Variants in RSPO2 observed in about 807,000 individuals in gnomAD.
RSPO2 encodes the protein R-spondin 2, also known as R-spondin-2.
RSPO2 carries 14 observed loss-of-function variants against 30.9 expected under a neutral mutation model. The ratio of observed to expected loss-of-function variants is 0.45; its 90% CI spans 0.30 to 0.71. The LOEUF (loss-of-function observed/expected upper bound fraction) is 0.71, where lower values mean the gene tolerates loss of function less well. RSPO2 is among the 30% of genes least tolerant of loss of function. The probability of loss-of-function intolerance (pLI) is 0.08; values close to 1 mark genes in which losing one functional copy is unlikely to be tolerated. For synonymous variants in RSPO2, 107 were observed against 96.4 expected (o/e 1.11, Z -0.64); for missense variants, 264 against 301.9 (o/e 0.87, Z 0.93).
At chr8:107,965,455 A>G (rs559077870) in intron 3 of RSPO2, among the ~76,000 whole-genome samples, 3 of 152,258 alleles carry the variant, frequency 2.0e-5, no homozygotes, top group African/African-American at 7.2e-5. Flanking sequence ...CATTCTCAAC[A>G]TTCTCCAGGA....
intron 2 of RSPO2, among the ~76,000 whole-genome samples, chr8:108,014,500 A>G (rs1473392763): frequency 6.6e-6 from 1 of 152,206 alleles, no homozygotes; most frequent in Non-Finnish European, 1.5e-5. Flanking sequence ...CACACCATGG[A>G]ATACTATGCA....
chr8:108,066,992 T>A (rs1812694210), intron 2 of RSPO2, among the ~76,000 whole-genome samples: 2 of 152,124 alleles, frequency 1.3e-5, no homozygotes, highest in Admixed American at 1.3e-4. Context: ...TAATCCAACC[T>A]TCAAGGAGAA....
At chr8:107,996,258 C>T (rs972914320) in intron 2 of RSPO2, among the ~76,000 whole-genome samples, 1 of 152,064 alleles carries the variant, frequency 6.6e-6, no homozygotes, top group African/African-American at 2.4e-5. Flanking sequence ...AAGATTGTAA[C>T]CCACCTTAAG....
chr8:108,012,727 A>G (rs1391138103), intron 2 of RSPO2, among the ~76,000 whole-genome samples: 5 of 152,228 alleles, frequency 3.3e-5, no homozygotes, highest in Non-Finnish European at 1.5e-5. Context: ...TACTAGTTCA[A>G]GAAGTATCAC....
At chr8:107,914,393 T>C (rs1482551249) in intron 5 of RSPO2, among the ~76,000 whole-genome samples, 10 of 151,822 alleles carry the variant, frequency 6.6e-5, no homozygotes, top group Non-Finnish European at 1.2e-4. Flanking sequence ...TAATCATAGG[T>C]ACTTTGAGAA....
intron 5 of RSPO2, among the ~76,000 whole-genome samples, chr8:107,937,658 C>T (rs1812763479): frequency 6.6e-6 from 1 of 151,028 alleles, no homozygotes; most frequent in South Asian, 2.1e-4. Flanking sequence ...AGAAGTGGAG[C>T]CCCAAGGTGG....
intron 5 of RSPO2, among the ~76,000 whole-genome samples, chr8:107,918,442 G>T (rs1812045687): frequency 6.6e-6 from 1 of 152,118 alleles, no homozygotes. Context: ...AAGAATCAAA[G>T]TTGACTCAGA....
At chr8:107,934,258 A>C (rs781479799) in intron 5 of RSPO2, among the ~76,000 whole-genome samples, 7 of 152,206 alleles carry the variant, frequency 4.6e-5, no homozygotes, top group Admixed American at 6.5e-5. Context: ...TCTACTATTC[A>C]ATCTATTGTA....
intron 5 of RSPO2, among the ~76,000 whole-genome samples, chr8:107,913,704 GAGAACAT>G (rs1262567775): frequency 6.6e-6 from 1 of 152,002 alleles, no homozygotes; most frequent in Non-Finnish European, 1.5e-5. Context: ...ATTAAAACAC[GAGAACAT>G]AGTTAATTAT....
chr8:107,992,668 C>T (rs529254562), intron 2 of RSPO2, among the ~76,000 whole-genome samples: 45 of 152,228 alleles, frequency 3.0e-4, no homozygotes, highest in African/African-American at 1.1e-3. Context: ...AACAAGTCTA[C>T]ATCTAAATGC....
chr8:107,903,901 T>TC (rs1811554699), intron 5 of RSPO2, among the ~76,000 whole-genome samples: 1 of 152,056 alleles, frequency 6.6e-6, no homozygotes, highest in Non-Finnish European at 1.5e-5. Flanking sequence ...TATTTTGTGG[T>TC]CCATACTACG....
chr8:108,049,356 T>A (rs1282038150), intron 2 of RSPO2, among the ~76,000 whole-genome samples: 1 of 151,912 alleles, frequency 6.6e-6, no homozygotes, highest in Non-Finnish European at 1.5e-5. Context: ...TGGCTGGGAC[T>A]TTTTTTTCTT....
chr8:107,958,156 T>C lies in RSPO2; in HGVS notation c.540A>G (p.Pro180=). Residue 180 remains proline, a synonymous_variant, in exon 5 of 6, where the codon CCA becomes CCG. Transcript: ENST00000276659. ...ETRTRQIVKK[P]VKDTILCPTI... is the part of the protein sequence containing the mutation. ...TTGGACACAGTATTGTGTCTTTCACTGGCTTTTTAACAATTTGCCGTGTTC... is the reference window on the plus strand; with the variant it reads ...TTGGACACAGTATTGTGTCTTTCACCGGCTTTTTAACAATTTGCCGTGTTC... 1 of 1,613,888 alleles carries C rather than the reference T, an allele frequency of 6.2e-7. No individual in the cohort carries two copies. The highest frequency in any genetic ancestry group is 8.5e-7 in the Non-Finnish European group (1 of 1,179,804).
intron 2 of RSPO2, among the ~76,000 whole-genome samples, chr8:108,032,645 T>C (rs1811459800): frequency 6.6e-6 from 1 of 152,046 alleles, no homozygotes; most frequent in Non-Finnish European, 1.5e-5. Flanking sequence ...TTTTCCTTTT[T>C]TAAGAGGTAG....
chr8:108,063,471 CA>C (rs1427772878), intron 2 of RSPO2, among the ~76,000 whole-genome samples: 4 of 151,780 alleles, frequency 2.6e-5, no homozygotes, highest in East Asian at 1.9e-4. Flanking sequence ...ATCCAACTTA[CA>C]AGGGACATGA....
chr8:107,978,259 T>C (rs1309521027), intron 3 of RSPO2, among the ~76,000 whole-genome samples: 3 of 151,914 alleles, frequency 2.0e-5, no homozygotes, highest in Admixed American at 6.6e-5. Flanking sequence ...GAAAACCGTC[T>C]CTAATAAAAA....
chr8:107,973,532 TCACACACACA>T lies in RSPO2; in HGVS notation c.284-12725_284-12716del, dbSNP rs4035018. On this transcript the variant is annotated intron_variant, in intron 3 of 5. Coordinates refer to ENST00000276659, the MANE Select transcript of RSPO2 (RefSeq NM_178565.5). ...CACACAGACACACACAGACACACAC[TCACACACACA>T]CACACACACACACACACACAGAACA... Among the ~76,000 whole-genome samples, 108 of 149,650 alleles carry T rather than the reference TCACACACACA, an allele frequency of 7.2e-4. 1 individual carries two copies. The highest frequency in any genetic ancestry group is 3.4e-3 in the Middle Eastern group (1 of 290).
intron 2 of RSPO2, among the ~76,000 whole-genome samples, chr8:108,011,134 G>GA (rs66722934): frequency 0.39 from 39,195 of 100,378 alleles, 7,756 homozygotes; most frequent in African/African-American, 0.58. Flanking sequence ...CTCCGTCCCA[G>GA]AAAAAAAAAA....
In RSPO2 at chr8:108,060,187, T is replaced by C. The variant is rs1034917354; in HGVS notation, c.94+22358A>G. Among the ~76,000 whole-genome samples the C allele has an allele frequency of 4.6e-5, 7 of 151,818 alleles. No individual in the cohort carries two copies. In the East Asian group the frequency reaches 1.4e-3, roughly 29 times the overall value. Reference sequence around the variant, plus strand: ...CAATGGAACAAAGCTGGATGGAGAATGACTTTGACTAGTTGAGAGAAGAAG... The same window carrying C: ...CAATGGAACAAAGCTGGATGGAGAACGACTTTGACTAGTTGAGAGAAGAAG... On this transcript the variant is annotated intron_variant, in intron 2 of 5. Coordinates refer to ENST00000276659, the MANE Select transcript of RSPO2 (RefSeq NM_178565.5).
Sources: allele counts gnomAD v4.1 joint callset (sites outside exome capture counted in the v4.1 genomes callset), GRCh38; gene constraint gnomAD v4.1.1; transcripts MANE v1.5; gene names NCBI Gene and HGNC (gene_info 2026-07-23, HGNC 2026-07-21).